The following ZNF804B variants were observed in gnomAD, a reference collection of about 807,000 sequenced individuals.
ZNF804B encodes the protein zinc finger protein 804B, also known as zinc finger 804B.
ZNF804B carries 80 observed loss-of-function variants against 101.4 expected under a neutral mutation model. The observed-to-expected ratio is 0.79, with a 90% CI of 0.66 to 0.95. The LOEUF (loss-of-function observed/expected upper bound fraction) is 0.95. ZNF804B is among the 40% of genes least tolerant of loss of function. ZNF804B has a pLI of 0.00. For missense variants in ZNF804B, 1,673 were observed against 1,561.9 expected (o/e 1.07, Z -1.20); for synonymous variants, 622 against 558.8 (o/e 1.11, Z -1.59).
At chr7:89,074,369 A>G (rs746382992) in intron 1 of ZNF804B, among the ~76,000 whole-genome samples, 1 of 152,108 alleles carries the variant, frequency 6.6e-6, no homozygotes, top group African/African-American at 2.4e-5. Context: ...CATGAGAGGA[A>G]CCCAGTGGGA....
At chr7:88,773,733 GA>G (rs1790103054) in intron 1 of ZNF804B, among the ~76,000 whole-genome samples, 1 of 151,990 alleles carries the variant, frequency 6.6e-6, no homozygotes, top group South Asian at 2.1e-4. Context: ...GAGGTTTTAG[GA>G]AGCTTACAAT....
At chr7:89,086,773 G>A (rs368178777) in intron 1 of ZNF804B, among the ~76,000 whole-genome samples, 3 of 151,880 alleles carry the variant, frequency 2.0e-5, no homozygotes, top group Admixed American at 2.0e-4. Context: ...CTAGTGCATG[G>A]TTTTTATAAT....
At chr7:89,008,149 G>A (rs890272806) in intron 1 of ZNF804B, among the ~76,000 whole-genome samples, 2 of 152,074 alleles carry the variant, frequency 1.3e-5, no homozygotes, top group Non-Finnish European at 2.9e-5. Flanking sequence ...TTGAAATGAT[G>A]CCCAGTAATT....
chr7:88,999,846 G>A (rs1788258998), intron 1 of ZNF804B, among the ~76,000 whole-genome samples: 1 of 151,604 alleles, frequency 6.6e-6, no homozygotes, highest in African/African-American at 2.4e-5. Flanking sequence ...ATTTTCTTTA[G>A]CCACATATTA....
chr7:89,152,766 T>G (rs999808992), intron 1 of ZNF804B, among the ~76,000 whole-genome samples: 3 of 152,138 alleles, frequency 2.0e-5, no homozygotes, highest in Non-Finnish European at 4.4e-5. Flanking sequence ...TTTTCTACAA[T>G]TAAGTCTAAA....
intron 1 of ZNF804B, among the ~76,000 whole-genome samples, chr7:89,013,907 C>T (rs1166232278): frequency 6.6e-6 from 1 of 152,118 alleles, no homozygotes; most frequent in Non-Finnish European, 1.5e-5. Flanking sequence ...ATTTAACAAC[C>T]GCAGGGTCAT....
At chr7:89,230,783 A>G (rs1789181130) in intron 2 of ZNF804B, among the ~76,000 whole-genome samples, 1 of 152,064 alleles carries the variant, frequency 6.6e-6, no homozygotes. Context: ...TTATTCAATC[A>G]TTATAGTATG....
chr7:89,256,349 T>C (rs983420901), intron 2 of ZNF804B, among the ~76,000 whole-genome samples: 3 of 152,126 alleles, frequency 2.0e-5, no homozygotes, highest in African/African-American at 7.2e-5. Context: ...AGCCCAGGAA[T>C]TGAAGACCAG....
At chr7:89,206,115 C>T (rs1788710560) in intron 1 of ZNF804B, among the ~76,000 whole-genome samples, 1 of 152,196 alleles carries the variant, frequency 6.6e-6, no homozygotes, top group African/African-American at 2.4e-5. Flanking sequence ...ATGGCTGGAG[C>T]AGCTGGGACA....
intron 1 of ZNF804B, among the ~76,000 whole-genome samples, chr7:89,109,362 T>G (rs563566550): frequency 2.6e-5 from 4 of 152,316 alleles, no homozygotes; most frequent in Admixed American, 2.6e-4. Flanking sequence ...AACTTCACAT[T>G]AAATTTTATA....
chr7:88,986,162 T>A (rs2116143298), intron 1 of ZNF804B, among the ~76,000 whole-genome samples: 1 of 152,242 alleles, frequency 6.6e-6, no homozygotes, highest in East Asian at 1.9e-4. Context: ...ACTAATTATC[T>A]AAATTTCTTC....
chr7:88,827,931 T>G (rs924774515), intron 1 of ZNF804B, among the ~76,000 whole-genome samples: 1 of 152,156 alleles, frequency 6.6e-6, no homozygotes, highest in Admixed American at 6.6e-5. Flanking sequence ...ATCTTCTTTT[T>G]TTCTATCTCT....
chr7:88,942,514 G>A (rs1364837171), intron 1 of ZNF804B, among the ~76,000 whole-genome samples: 1 of 149,902 alleles, frequency 6.7e-6, no homozygotes, highest in African/African-American at 2.4e-5. Flanking sequence ...GTGTGTGTGT[G>A]TGTGTGTGTG....
At chr7:89,314,509 A>C (rs1253901157) in intron 2 of ZNF804B, among the ~76,000 whole-genome samples, 1 of 152,186 alleles carries the variant, frequency 6.6e-6, no homozygotes, top group Admixed American at 6.5e-5. Flanking sequence ...TGCTTCACAA[A>C]GTTCCACAAA....
chr7:88,897,549 C>A (rs1379685429), intron 1 of ZNF804B, among the ~76,000 whole-genome samples: 2 of 151,978 alleles, frequency 1.3e-5, no homozygotes, highest in Non-Finnish European at 2.9e-5. Flanking sequence ...AATTTGTTAC[C>A]CTACAATAGG....
chr7:88,911,098 A>G (rs539774508), intron 1 of ZNF804B, among the ~76,000 whole-genome samples: 2 of 152,148 alleles, frequency 1.3e-5, no homozygotes, highest in East Asian at 3.9e-4. Flanking sequence ...ATTTGGTATT[A>G]AAGAAAAGAA....
At chr7:88,872,284 G>A (rs1054654500) in intron 1 of ZNF804B, among the ~76,000 whole-genome samples, 5 of 151,986 alleles carry the variant, frequency 3.3e-5, no homozygotes, top group African/African-American at 4.8e-5. Context: ...TAAAATCCAC[G>A]ATCATGCCTG....
At chr7:89,109,128 C>T (rs1790177015) in intron 1 of ZNF804B, among the ~76,000 whole-genome samples, 1 of 151,750 alleles carries the variant, frequency 6.6e-6, no homozygotes, top group African/African-American at 2.4e-5. Flanking sequence ...GAATAAATCA[C>T]GCATTACTTG....
At chr7:89,261,453 T>A (rs1789711443) in intron 2 of ZNF804B, among the ~76,000 whole-genome samples, 1 of 152,142 alleles carries the variant, frequency 6.6e-6, no homozygotes, top group African/African-American at 2.4e-5. Flanking sequence ...ATATAGTTAT[T>A]GAAAAAATAC....
Sources: gnomAD v4.1 joint callset for allele counts (sites outside exome capture counted in the v4.1 genomes callset) on GRCh38, gnomAD v4.1.1 for gene constraint, MANE v1.5 for transcripts, NCBI Gene and HGNC (gene_info 2026-07-23, HGNC 2026-07-21) for gene names.